The following DOCK6 variants were observed in gnomAD, a reference collection of about 807,000 sequenced individuals.
DOCK6 encodes the protein dedicator of cytokinesis 6, also known as dedicator of cytokinesis protein 6.
In DOCK6, 167 loss-of-function variants were observed where a neutral mutation model predicts 230.3. That is an observed-to-expected ratio of 0.73 (90% CI 0.64 to 0.82). The LOEUF (loss-of-function observed/expected upper bound fraction) is 0.82, where lower values mean the gene tolerates loss of function less well. DOCK6 is among the 40% of genes least tolerant of loss of function. The pLI, the probability that DOCK6 is intolerant of heterozygous loss-of-function variation, is 0.00. For missense variants in DOCK6, 2,598 were observed against 2,825.8 expected, an observed-to-expected ratio of 0.92 and a Z score of 1.83; for synonymous variants, 1,148 against 1,185.0, an observed-to-expected ratio of 0.97 and a Z score of 0.64.
intron 1 of DOCK6, among the ~76,000 whole-genome samples, chr19:11,257,055 C>G (rs553748553): frequency 6.6e-6 from 1 of 151,926 alleles, no homozygotes; most frequent in African/African-American, 2.4e-5. Context: ...GGTGCAATCA[C>G]GGCTTACTGC....
rs553172520 is a variant in DOCK6, at chr19:11,240,641, G to A, written c.1643+1404C>T. On this transcript the variant is annotated intron_variant, in intron 14 of 47. Coordinates refer to ENST00000294618, the MANE Select transcript of DOCK6 (RefSeq NM_020812.4). ...GTTGCCCAGGCTGGAGTGCAGTGGT[G>A]TGATCTTGGCTCACTGCAACCTCCA... Among the ~76,000 whole-genome samples the A allele has an allele frequency of 2.1e-4, 32 of 150,044 alleles. 1 individual carries two copies. In the East Asian group the frequency reaches 3.8e-3, roughly 18 times the overall value.
chr19:11,222,912 G>T lies in DOCK6; in HGVS notation c.3070-7C>A. 1 of 1,611,270 alleles carries T rather than the reference G, an allele frequency of 6.2e-7. No homozygotes were observed. Among genetic ancestry groups the T allele is most frequent in the Non-Finnish European group, 8.5e-7 (1 of 1,178,916 alleles). ...ACTGGAGCCGCGTGGCCACCTGCAGGAGAGGGGTGGCCATCAGTGATGTCA... is the reference window on the plus strand; with the variant it reads ...ACTGGAGCCGCGTGGCCACCTGCAGTAGAGGGGTGGCCATCAGTGATGTCA... On this transcript the variant is annotated splice_polypyrimidine_tract_variant and splice_region_variant and intron_variant, in intron 25 of 47. Coordinates refer to ENST00000294618, the MANE Select transcript of DOCK6 (RefSeq NM_020812.4). This position sits in a 1 kb window ranked among gnomAD's most constrained non-coding sequence, Gnocchi z 4.0.
chr19:11,215,271 T>C, intron 32 of DOCK6, 116 bp downstream of exon 32: 1 of 890,020 alleles, frequency 1.1e-6, no homozygotes, highest in South Asian at 1.6e-5. Flanking sequence ...AAATTTTTGG[T>C]AGAGAGGGTC....
intron 36 of DOCK6, 58 bp downstream of exon 36, chr19:11,211,935 G>A: frequency 1.9e-6 from 3 of 1,578,696 alleles, no homozygotes; most frequent in Middle Eastern, 3.3e-4. Flanking sequence ...GGGAGCCAAG[G>A]TGGTGGGGTT....
intron 6 of DOCK6, 139 bp from the exon 7 acceptor site, chr19:11,248,290 G>C (rs72996217): frequency 1.6e-6 from 1 of 626,956 alleles, no homozygotes; most frequent in Non-Finnish European, 2.7e-6. Context: ...GCCTTTACAC[G>C]TGCTGTTCCC....
At chr19:11,203,920 G>T in intron 41 of DOCK6, 161 bp downstream of exon 41, 1 of 935,744 alleles carries the variant, frequency 1.1e-6, no homozygotes, top group Non-Finnish European at 1.6e-6. Flanking sequence ...CATTTTTGGG[G>T]AAGGGAGGGA....
rs768133678 is a variant in DOCK6 at position 11,238,028 on chromosome 19, C to T, written c.1832+17G>A. 25 of 1,613,496 alleles carry T rather than the reference C, an allele frequency of 1.5e-5. No homozygotes were observed. Among genetic ancestry groups the T allele is most frequent in the Middle Eastern group, 1.6e-4 (1 of 6,084 alleles). ...CCCATGAGTGCCCCCAAGTTCCTCA[C>T]GTGTCCCCCTACATACTTGTTATGG... On this transcript the variant is annotated intron_variant, in intron 16 of 47. Coordinates refer to ENST00000294618, the MANE Select transcript of DOCK6 (RefSeq NM_020812.4).
intron 23 of DOCK6, 126 bp from the exon 24 acceptor site, chr19:11,227,603 C>T (rs2079689903): frequency 1.7e-6 from 2 of 1,208,118 alleles, no homozygotes; most frequent in South Asian, 1.5e-5. Flanking sequence ...GCTTGAAGGG[C>T]TGTGGGTGGA....
chr19:11,240,473 C>T (rs1387941051), intron 14 of DOCK6, among the ~76,000 whole-genome samples: 1 of 152,118 alleles, frequency 6.6e-6, no homozygotes, highest in African/African-American at 2.4e-5. Context: ...CTTTTGTGTG[C>T]CTCAGTTGCA....
intron 1 of DOCK6, among the ~76,000 whole-genome samples, chr19:11,254,659 G>A (rs968471966): frequency 2.0e-5 from 3 of 151,330 alleles, no homozygotes; most frequent in East Asian, 3.9e-4. Flanking sequence ...CCCAACCTGG[G>A]CAACAGAGCA....
rs576887014 is a variant in DOCK6, at chr19:11,246,123, G to A, written c.807-245C>T. 9.3e-5 allele frequency among the ~76,000 whole-genome samples: 14 copies of A among 150,912 alleles called. No homozygotes were observed. The South Asian group carries it at 2.9e-3, about 32-fold the overall frequency. On this transcript the variant is annotated intron_variant, in intron 7 of 47. Transcript: ENST00000294618. ...GCTCTGTTGCCCAGGCTGGAGTGGA[G>A]TGGTGCGATCTCGGCTCACTGCAAC...
rs752021563 is a variant in DOCK6 at position 11,204,259 on chromosome 19, T to C, written c.5161A>G (p.Lys1721Glu). 7.5e-6 allele frequency: 12 copies of C among 1,601,352 alleles called. No homozygotes were observed. The highest frequency in any genetic ancestry group is 1.0e-5 in the Non-Finnish European group (12 of 1,173,246). ...IPILEAHRDYKKLAAVHGKLQ... is the reference protein window; with the variant it reads ...IPILEAHRDYEKLAAVHGKLQ... Reference sequence around the variant, plus strand: ...TTGCCGTGCACCGCGGCCAGCTTCTTGTAGTCACGGTGGGCTTCCAGGATG... The same window carrying C: ...TTGCCGTGCACCGCGGCCAGCTTCTCGTAGTCACGGTGGGCTTCCAGGATG... The change falls in exon 40 of 48, where the codon AAG becomes GAG. Residue 1721 changes from lysine to glutamate, a missense_variant. Transcript: ENST00000294618.
intron 14 of DOCK6, chr19:11,240,137 G>A: frequency 2.6e-6 from 4 of 1,551,686 alleles, no homozygotes; most frequent in Non-Finnish European, 3.5e-6. Flanking sequence ...TTAAGCAGAT[G>A]GAGGAGGATA....
chr19:11,203,058 C>G (rs2079197808), intron 41 of DOCK6, among the ~76,000 whole-genome samples: 1 of 152,084 alleles, frequency 6.6e-6, no homozygotes, highest in African/African-American at 2.4e-5. Flanking sequence ...GCCCTGAGGC[C>G]CACAAGAATG....
intron 30 of DOCK6, chr19:11,216,613 T>C: frequency 2.9e-6 from 1 of 339,342 alleles, no homozygotes. Context: ...TTCAGTATGT[T>C]GGCCAGACTG....
intron 14 of DOCK6, chr19:11,241,621 G>C: frequency 1.3e-6 from 2 of 1,563,420 alleles, no homozygotes; most frequent in African/African-American, 1.4e-5. Flanking sequence ...GCTGGAAAGG[G>C]GCCCCCTCAC....
chr19:11,216,103 CT>C, intron 30 of DOCK6, 176 bp from the exon 31 acceptor site: 1 of 602,928 alleles, frequency 1.7e-6, no homozygotes, highest in Non-Finnish European at 2.6e-6. Flanking sequence ...TTTTTTTTTT[CT>C]TGAAACAGAG....
At position 11,228,962 on chromosome 19, in the gene DOCK6, G is replaced by A. The variant is rs2079718676; in HGVS notation, c.2792C>T (p.Ala931Val). 1 of 1,613,694 alleles carries A rather than the reference G, an allele frequency of 6.2e-7. No individual in the cohort carries two copies. The highest frequency in any genetic ancestry group is 1.1e-5 in the South Asian group (1 of 91,090). Residue 931 changes from alanine to valine, a missense_variant, in exon 23 of 48, where the codon GCC becomes GTC. By Grantham distance (64) the Ala-to-Val change is moderately conservative (BLOSUM62 0). Transcript: ENST00000294618. ...SAVREAILQH[A>V]WFFFQLMVKS... is the part of the protein sequence containing the mutation. ...CACCATGAGCTGGAAGAAGAACCAG[G>A]CGTGCTGGAGGATGGCCTCGCGTAC...
In DOCK6 at chr19:11,255,560, C is replaced by T. The variant is rs544898946; in HGVS notation, c.45-1834G>A. Among the ~76,000 whole-genome samples the T allele has an allele frequency of 7.0e-4, 107 of 152,206 alleles. 3 individuals are homozygous for T. The South Asian group carries it at 0.021, about 30-fold the overall frequency. ...AACTCCTGAGCTCAAGCGATCTGCCCGCCTTGTACTTTTTTTTGACAGAAT... is the reference window on the plus strand; with the variant it reads ...AACTCCTGAGCTCAAGCGATCTGCCTGCCTTGTACTTTTTTTTGACAGAAT... On this transcript the variant is annotated intron_variant, in intron 1 of 47. Transcript: ENST00000294618.
Sources: gnomAD v4.1 joint callset for allele counts (sites outside exome capture counted in the v4.1 genomes callset) on GRCh38, gnomAD v4.1.1 for gene constraint, Gnocchi (gnomAD v3.1) non-coding constraint, MANE v1.5 for transcripts, NCBI Gene and HGNC (gene_info 2026-07-23, HGNC 2026-07-21) for gene names.